CREBRF: variants seen among roughly 807,000 people sequenced by gnomAD.
CREBRF encodes the protein CREB3 regulatory factor, also known as UPF0474 protein C5orf41.
CREBRF carries 5 observed loss-of-function variants against 66.1 expected under a neutral mutation model. The observed-to-expected ratio is 0.08, with a 90% CI of 0.04 to 0.16. The LOEUF (loss-of-function observed/expected upper bound fraction) is 0.16, where lower values mean the gene tolerates loss of function less well. Ranked by LOEUF, CREBRF falls within the 10% of genes least tolerant of loss-of-function variation. CREBRF has a pLI of 1.00. For synonymous variants in CREBRF, 229 were observed against 264.4 expected, an observed-to-expected ratio of 0.87 and a Z score of 1.30; for missense variants, 531 against 744.9, an observed-to-expected ratio of 0.71 and a Z score of 3.34.
At chr5:173,081,697 C>T (rs535252057) in intron 2 of CREBRF, among the ~76,000 whole-genome samples, 2 of 152,146 alleles carry the variant, frequency 1.3e-5, no homozygotes, top group Admixed American at 6.6e-5. Context: ...CCGAGACAGG[C>T]GGATCACAGG....
chr5:173,131,954 A>G (rs1759437932), intron 8 of CREBRF, among the ~76,000 whole-genome samples: 1 of 151,544 alleles, frequency 6.6e-6, no homozygotes, highest in African/African-American at 2.4e-5. Flanking sequence ...GCTGGTCTCA[A>G]ACTCCTGACC....
intron 1 of CREBRF, among the ~76,000 whole-genome samples, chr5:173,075,051 T>C (rs1757719248): frequency 6.6e-6 from 1 of 152,168 alleles, no homozygotes; most frequent in Non-Finnish European, 1.5e-5. Flanking sequence ...AGTACTGCTT[T>C]GGCTAGGAAA....
At chr5:173,070,560 A>G (rs1458727947) in intron 1 of CREBRF, among the ~76,000 whole-genome samples, 1 of 152,122 alleles carries the variant, frequency 6.6e-6, no homozygotes, top group Non-Finnish European at 1.5e-5. Context: ...CAGTGCCTGA[A>G]TTCAGTTGAT....
chr5:173,067,566 T>C (rs1168970200), intron 1 of CREBRF, among the ~76,000 whole-genome samples: 1 of 152,228 alleles, frequency 6.6e-6, no homozygotes, highest in African/African-American at 2.4e-5. Context: ...TCAAATTTTA[T>C]ATGAAATTTC....
At chr5:173,056,532 G>C (rs1429635138) in intron 1 of CREBRF, 53 bp downstream of exon 1, 1 of 397,888 alleles carries the variant, frequency 2.5e-6, no homozygotes, top group Non-Finnish European at 4.4e-6. Flanking sequence ...GCTGGGGGAA[G>C]AGCGGAACGG....
intron 4 of CREBRF, among the ~76,000 whole-genome samples, chr5:173,093,049 A>G (rs574564386): frequency 4.1e-4 from 62 of 152,352 alleles, no homozygotes; most frequent in Non-Finnish European, 7.2e-4. Flanking sequence ...TTGGAAGATC[A>G]TAGTGCTCTT....
At chr5:173,077,519 A>G (rs565656834) in intron 1 of CREBRF, among the ~76,000 whole-genome samples, 2 of 151,998 alleles carry the variant, frequency 1.3e-5, no homozygotes, top group South Asian at 2.1e-4. Flanking sequence ...CAGCCTCCCA[A>G]GTAGCTGGGA....
chr5:173,109,089 A>C, intron 5 of CREBRF: 1 of 333,678 alleles, frequency 3.0e-6, no homozygotes, highest in East Asian at 5.4e-5. Flanking sequence ...CATTCAGGAA[A>C]TGACTAGGAG....
intron 1 of CREBRF, among the ~76,000 whole-genome samples, chr5:173,073,602 C>T (rs1757658855): frequency 6.6e-6 from 1 of 152,222 alleles, no homozygotes; most frequent in Non-Finnish European, 1.5e-5. Context: ...CAATACCTTG[C>T]AATTGATAGT....
At chr5:173,117,488 T>C (rs1759017856) in intron 7 of CREBRF, among the ~76,000 whole-genome samples, 1 of 150,582 alleles carries the variant, frequency 6.6e-6, no homozygotes, top group African/African-American at 2.4e-5. Context: ...CCTTTCCTTT[T>C]CCTTTTTCCT....
At chr5:173,130,896 A>T (rs1032267985) in intron 8 of CREBRF, among the ~76,000 whole-genome samples, 1 of 152,102 alleles carries the variant, frequency 6.6e-6, no homozygotes, top group Non-Finnish European at 1.5e-5. Flanking sequence ...TAGTAGAGAC[A>T]GGGTTTCACC....
At chr5:173,092,169 A>C in intron 4 of CREBRF, 1 of 935,386 alleles carries the variant, frequency 1.1e-6, no homozygotes, top group Non-Finnish European at 1.3e-6. Context: ...AGTATATAGA[A>C]TGTTGAACCA....
chr5:173,107,818 T>C (rs1191208698), intron 4 of CREBRF, among the ~76,000 whole-genome samples: 1 of 86,012 alleles, frequency 1.2e-5, no homozygotes, highest in Non-Finnish European at 2.2e-5. Flanking sequence ...CTCTACAAAA[T>C]TTTTTTTTTT....
intron 8 of CREBRF, among the ~76,000 whole-genome samples, 192 bp from the exon 9 acceptor site, chr5:173,133,438 T>C (rs1433803265): frequency 2.0e-5 from 3 of 152,232 alleles, no homozygotes; most frequent in Non-Finnish European, 4.4e-5. Context: ...ACTTTTCTAA[T>C]CTTAAAATTT....
At chr5:173,123,345 C>T in intron 8 of CREBRF, 143 bp downstream of exon 8, 1 of 689,620 alleles carries the variant, frequency 1.5e-6, no homozygotes, top group South Asian at 2.4e-5. Context: ...GTAGTTTTAT[C>T]TTTTGAGATT....
intron 4 of CREBRF, among the ~76,000 whole-genome samples, chr5:173,100,529 T>G (rs183419228): frequency 6.6e-6 from 1 of 152,088 alleles, no homozygotes; most frequent in Non-Finnish European, 1.5e-5. Context: ...GTTCAAGCGA[T>G]TCTCCTGCCT....
intron 1 of CREBRF, among the ~76,000 whole-genome samples, chr5:173,073,915 C>T (rs993101897): frequency 8.6e-5 from 13 of 151,240 alleles, no homozygotes; most frequent in African/African-American, 3.2e-4. Flanking sequence ...TGTAGTGAGC[C>T]GAGATTGCGC....
At position 173,090,165 on chromosome 5, in the gene CREBRF, G is replaced by A; in HGVS notation, c.136-150G>A. On this transcript the variant is annotated intron_variant, in intron 3 of 8. Transcript: ENST00000296953. The surrounding 1 kb of genome is among the most constrained non-coding windows in gnomAD (Gnocchi z 4.5). ...ACTTTTTCTTGCCTAAGGAAATGAT[G>A]ACATTATATGAAATGATAAAGCGTC... 2.0e-6 allele frequency: 1 copy of A among 505,306 alleles called. No homozygotes were observed. The highest frequency in any genetic ancestry group is 5.0e-4 in the Middle Eastern group (1 of 1,984). The allele number at this position is 505,306 out of a possible 1,614,324, so 31.3% of individuals were successfully genotyped here.
At chr5:173,112,613 A>G (rs1042490962) in intron 7 of CREBRF, among the ~76,000 whole-genome samples, 6 of 152,204 alleles carry the variant, frequency 3.9e-5, no homozygotes, top group African/African-American at 1.4e-4. Context: ...TACACTAACA[A>G]GCTGATCCAC....
Sources: gnomAD v4.1 joint callset for allele counts (sites outside exome capture counted in the v4.1 genomes callset) on GRCh38, gnomAD v4.1.1 for gene constraint, Gnocchi (gnomAD v3.1) non-coding constraint, MANE v1.5 for transcripts, NCBI Gene and HGNC (gene_info 2026-07-23, HGNC 2026-07-21) for gene names.